Variants in TAF4B observed in about 807,000 individuals in gnomAD.
TAF4B encodes the protein TATA-box binding protein associated factor 4b.
In TAF4B, 38 loss-of-function variants were observed where a neutral mutation model predicts 86.4. That is an observed-to-expected ratio of 0.44 (90% confidence interval 0.34 to 0.58). TAF4B has a LOEUF of 0.58. TAF4B is among the 20% of genes least tolerant of loss of function. TAF4B has a pLI of 0.02. For missense variants in TAF4B, 988 were observed against 1,027.6 expected (o/e 0.96, Z 0.53); for synonymous variants, 388 against 391.2 (o/e 0.99, Z 0.10).
intron 10 of TAF4B, among the ~76,000 whole-genome samples, 165 bp downstream of exon 10, chr18:26,315,563 T>C (rs962206903): frequency 6.6e-6 from 1 of 152,152 alleles, no homozygotes; most frequent in Non-Finnish European, 1.5e-5. Flanking sequence ...TAGTTTATTT[T>C]AAAAATTATT....
chr18:26,328,688 C>T (rs1050212564), intron 12 of TAF4B, among the ~76,000 whole-genome samples: 1 of 152,070 alleles, frequency 6.6e-6, no homozygotes, highest in African/African-American at 2.4e-5. Context: ...GGCACAATCT[C>T]GGCTCACTGC....
chr18:26,371,086 T>C (rs2057403089), intron 14 of TAF4B, among the ~76,000 whole-genome samples: 1 of 152,054 alleles, frequency 6.6e-6, no homozygotes, highest in Admixed American at 6.5e-5. Context: ...AGGTCATTTA[T>C]GAATAAGTGA....
intron 1 of TAF4B, among the ~76,000 whole-genome samples, chr18:26,240,820 T>G (rs1359669288): frequency 1.3e-5 from 2 of 152,242 alleles, no homozygotes; most frequent in Non-Finnish European, 2.9e-5. Flanking sequence ...GTCAAAGGCC[T>G]TTTCCACATC....
At chr18:26,355,292 CTTGGGG>C (rs1188282543) in intron 13 of TAF4B, among the ~76,000 whole-genome samples, 3 of 152,036 alleles carry the variant, frequency 2.0e-5, no homozygotes, top group African/African-American at 7.2e-5. Flanking sequence ...ATATAGATAA[CTTGGGG>C]TTTTCTGCAC....
At chr18:26,264,203 C>T (rs1344072249) in intron 1 of TAF4B, among the ~76,000 whole-genome samples, 1 of 152,118 alleles carries the variant, frequency 6.6e-6, no homozygotes, top group African/African-American at 2.4e-5. Flanking sequence ...CTTTGGGAGG[C>T]TGAGGTGGGA....
At chr18:26,273,706 T>C (rs2056348537) in intron 3 of TAF4B, among the ~76,000 whole-genome samples, 1 of 152,192 alleles carries the variant, frequency 6.6e-6, no homozygotes, top group Admixed American at 6.5e-5. Flanking sequence ...TCTTCCCATT[T>C]TTTACCCTCA....
chr18:26,317,960 T>G (rs2056928693), intron 10 of TAF4B, among the ~76,000 whole-genome samples: 1 of 152,234 alleles, frequency 6.6e-6, no homozygotes, highest in Non-Finnish European at 1.5e-5. Flanking sequence ...AGATTTGGCT[T>G]GTTGGCCATA....
In TAF4B at chr18:26,317,857, A is replaced by G. The variant is rs538376723; in HGVS notation, c.2002+2459A>G. 4.6e-5 allele frequency among the ~76,000 whole-genome samples: 7 copies of G among 152,320 alleles called. No homozygotes were observed. In the South Asian group the frequency reaches 1.5e-3, roughly 32 times the overall value. ...CAACTCCAAATACCATCTCACTGGC[A>G]TTAGAGCTTCAACATGAATGACTTT... On this transcript the variant is annotated intron_variant, in intron 10 of 14. Transcript: ENST00000269142.
chr18:26,260,213 T>G (rs1463363225), intron 1 of TAF4B, among the ~76,000 whole-genome samples: 1 of 152,220 alleles, frequency 6.6e-6, no homozygotes, highest in Non-Finnish European at 1.5e-5. Context: ...TGCAAAAATT[T>G]TCTCCCATTC....
At chr18:26,370,328 C>T (rs2057398085) in intron 14 of TAF4B, among the ~76,000 whole-genome samples, 1 of 152,134 alleles carries the variant, frequency 6.6e-6, no homozygotes, top group South Asian at 2.1e-4. Context: ...TGTAAGATCT[C>T]TTGGGTTAAA....
chr18:26,235,877 CTGTT>C (rs1555670460), intron 1 of TAF4B, among the ~76,000 whole-genome samples: 2 of 152,224 alleles, frequency 1.3e-5, no homozygotes, highest in Non-Finnish European at 2.9e-5. Context: ...TCTCCACTGA[CTGTT>C]TGGTTTTTGT....
intron 13 of TAF4B, among the ~76,000 whole-genome samples, chr18:26,335,623 C>T (rs184667842): frequency 8.5e-5 from 13 of 152,176 alleles, no homozygotes; most frequent in Admixed American, 2.6e-4. Context: ...GGCTGGGAGG[C>T]GGTGCTGGGA....
chr18:26,273,935 A>G (rs1213240369), intron 3 of TAF4B, among the ~76,000 whole-genome samples: 1 of 152,196 alleles, frequency 6.6e-6, no homozygotes, highest in Non-Finnish European at 1.5e-5. Flanking sequence ...ACTATTCCTT[A>G]TCCCTGATCC....
chr18:26,281,455 A>G (rs1005853953), intron 5 of TAF4B, among the ~76,000 whole-genome samples: 2 of 152,208 alleles, frequency 1.3e-5, no homozygotes, highest in East Asian at 1.9e-4. Flanking sequence ...AGATAATTCA[A>G]TCAGCTACAT....
chr18:26,346,873 A>ATATG lies in TAF4B; in HGVS notation c.2317-10816_2317-10815insATGT, dbSNP rs1555623695. ...TATATATATATGTGTATATATATAT[A>ATATG]TGTGTATATATATATATATATATAT... On this transcript the variant is annotated intron_variant, in intron 13 of 14. Transcript: ENST00000269142. Among the ~76,000 whole-genome samples, 2 of 12,304 alleles carry ATATG rather than the reference A, an allele frequency of 1.6e-4. 1 individual carries two copies. Among genetic ancestry groups the ATATG allele is most frequent in the African/African-American group, 4.0e-4 (2 of 4,980 alleles). The allele number at this position is 12,304 out of a possible 152,430, so 8.1% of individuals were successfully genotyped here. A position where few individuals can be genotyped will look rare whatever the true frequency, so the allele number is the denominator to read the frequency against.
chr18:26,274,238 C>T (rs549542217), intron 3 of TAF4B, among the ~76,000 whole-genome samples: 1 of 152,282 alleles, frequency 6.6e-6, no homozygotes, highest in African/African-American at 2.4e-5. Flanking sequence ...GATTGCTCTG[C>T]TTTGTTCTTA....
intron 3 of TAF4B, among the ~76,000 whole-genome samples, chr18:26,273,743 A>G (rs1405601969): frequency 6.6e-6 from 1 of 152,162 alleles, no homozygotes; most frequent in East Asian, 1.9e-4. Flanking sequence ...TACATATTCC[A>G]GTCTCTCTAA....
At chr18:26,299,344 G>C (rs1445029283) in intron 9 of TAF4B, among the ~76,000 whole-genome samples, 1 of 151,946 alleles carries the variant, frequency 6.6e-6, no homozygotes, top group Non-Finnish European at 1.5e-5. Flanking sequence ...TATTATTCTA[G>C]GATCATGAAT....
At chr18:26,264,865 A>T (rs1228915220) in intron 1 of TAF4B, among the ~76,000 whole-genome samples, 1 of 152,164 alleles carries the variant, frequency 6.6e-6, no homozygotes, top group Non-Finnish European at 1.5e-5. Flanking sequence ...TGGTCAGCTT[A>T]TTCAGTCTTA....
Sources: allele counts gnomAD v4.1 joint callset (sites outside exome capture counted in the v4.1 genomes callset), GRCh38; gene constraint gnomAD v4.1.1; transcripts MANE v1.5; gene names NCBI Gene and HGNC (gene_info 2026-07-23, HGNC 2026-07-21).